The following SEPTIN9 variants were observed in gnomAD, a reference collection of about 807,000 sequenced individuals.
SEPTIN9 encodes the protein septin-9.
In SEPTIN9, 13 loss-of-function variants were observed where a neutral mutation model predicts 56.6. The observed-to-expected ratio is 0.23, with a 90% CI of 0.15 to 0.37. SEPTIN9 has a LOEUF of 0.37. Ranked by LOEUF, SEPTIN9 falls within the 10% of genes least tolerant of loss-of-function variation. The pLI is 1.00. For synonymous variants in SEPTIN9, 332 were observed against 334.1 expected (o/e 0.99, Z 0.07); for missense variants, 650 against 823.1 (o/e 0.79, Z 2.57).
intron 2 of SEPTIN9, chr17:77,374,584 A>C (rs1210090357): frequency 6.6e-6 from 1 of 152,242 alleles, no homozygotes; most frequent in East Asian, 1.9e-4. Context: ...GTGGGCCGGG[A>C]GGGGGAAAGG....
chr17:77,492,172 A>G lies in SEPTIN9; in HGVS notation c.1381-449A>G, dbSNP rs172680. On this transcript the variant is annotated intron_variant, in intron 8 of 11. Coordinates refer to ENST00000427177, the MANE Select transcript of SEPTIN9 (RefSeq NM_001113491.2). The surrounding 1 kb of genome is among the most constrained non-coding windows in gnomAD (Gnocchi z 5.4). ...GTGGTCTGTGCCTGGGCAGGCGAGC[A>G]GCCGCTCACTGGGATGTTTCTGTTG... is the stretch of plus-strand genomic sequence containing the variant. Among the ~76,000 whole-genome samples, 85,259 of 152,058 alleles carry G rather than the reference A, an allele frequency of 0.56. 25,918 individuals carry two copies. The highest frequency in any genetic ancestry group is 0.81 in the African/African-American group (33,541 of 41,482).
chr17:77,478,015 G>C (rs928239090), intron 3 of SEPTIN9, among the ~76,000 whole-genome samples: 27 of 152,026 alleles, frequency 1.8e-4, no homozygotes, highest in African/African-American at 4.1e-4. Context: ...CGGTCTTTGG[G>C]GGGGGTCACA....
At chr17:77,442,799 C>T (rs375499596) in intron 3 of SEPTIN9, among the ~76,000 whole-genome samples, 4 of 151,626 alleles carry the variant, frequency 2.6e-5, no homozygotes, top group Non-Finnish European at 1.5e-5. Flanking sequence ...CTTGAACCCA[C>T]GAGGCGGAGG....
intron 3 of SEPTIN9, among the ~76,000 whole-genome samples, chr17:77,477,828 C>A (rs936286964): frequency 6.6e-6 from 1 of 152,128 alleles, no homozygotes; most frequent in African/African-American, 2.4e-5. Flanking sequence ...CAGTTACTGT[C>A]CAAATCAGAA....
intron 2 of SEPTIN9, among the ~76,000 whole-genome samples, chr17:77,385,773 C>T (rs2035315431): frequency 6.6e-6 from 1 of 152,138 alleles, no homozygotes; most frequent in East Asian, 1.9e-4. Flanking sequence ...TCTGCCAGCA[C>T]TGCTTGCTTC....
At chr17:77,430,990 CAA>C (rs144630121) in intron 3 of SEPTIN9, among the ~76,000 whole-genome samples, 23 of 126,922 alleles carry the variant, frequency 1.8e-4, no homozygotes, top group Admixed American at 3.2e-4. Flanking sequence ...TACTCCGTAT[CAA>C]AAAAAAAAAA....
chr17:77,394,349 C>G (rs1214514181), intron 2 of SEPTIN9, among the ~76,000 whole-genome samples: 1 of 152,164 alleles, frequency 6.6e-6, no homozygotes, highest in Admixed American at 6.5e-5. Flanking sequence ...TGGCTTTTTC[C>G]TGCAGGCTCA....
intron 2 of SEPTIN9, among the ~76,000 whole-genome samples, chr17:77,307,632 T>A (rs1228175168): frequency 6.6e-6 from 1 of 152,068 alleles, no homozygotes; most frequent in African/African-American, 2.4e-5. Context: ...ATAGAGCAGA[T>A]ACGTCCGGTG....
intron 2 of SEPTIN9, among the ~76,000 whole-genome samples, chr17:77,356,416 G>T (rs951132883): frequency 9.2e-5 from 14 of 151,878 alleles, no homozygotes; most frequent in African/African-American, 3.4e-4. Flanking sequence ...GTAACTCCCA[G>T]TGGCTCCGTG....
At position 77,475,482 on chromosome 17, in the gene SEPTIN9, G is replaced by C; in HGVS notation, c.722-6662G>C. Reference sequence around the variant, plus strand: ...TAAGAAGCCCCTTTGTGGGGGACAGGGAGCATCTGTTAGTTTATAGGACCT... The same window carrying C: ...TAAGAAGCCCCTTTGTGGGGGACAGCGAGCATCTGTTAGTTTATAGGACCT... On this transcript the variant is annotated intron_variant, in intron 3 of 11. Transcript: ENST00000427177. This position sits in a 1 kb window ranked among gnomAD's most constrained non-coding sequence, Gnocchi z 4.6. 1.3e-6 allele frequency: 2 copies of C among 1,592,196 alleles called. No individual in the cohort carries two copies. Among genetic ancestry groups the C allele is most frequent in the Non-Finnish European group, 1.7e-6 (2 of 1,170,200 alleles).
rs140362504 is a variant in SEPTIN9, at chr17:77,289,873, G to A, written c.19+8319G>A. Among the ~76,000 whole-genome samples, 476 of 152,272 alleles carry A rather than the reference G, an allele frequency of 3.1e-3. 2 individuals carry two copies. Among genetic ancestry groups the A allele is most frequent in the Non-Finnish European group, 5.2e-3 (354 of 68,026 alleles). ...AAAACTTCAACAATCATTGGCTGTA[G>A]CATTTCTTCTGTGTTCCATTCAGTG... On this transcript the variant is annotated intron_variant, in intron 1 of 11. Coordinates refer to ENST00000427177, the MANE Select transcript of SEPTIN9 (RefSeq NM_001113491.2).
Position 77,498,918 on chromosome 17 carries a change from C to A in SEPTIN9, c.*260C>A. On this transcript the variant is annotated 3_prime_UTR_variant, in exon 12 of 12. Coordinates refer to ENST00000427177, the MANE Select transcript of SEPTIN9 (RefSeq NM_001113491.2). ...GAGCACCCACTGAATTGACATGACC[C>A]TCTGTCCCCAGGCCTGGCTCCCCGA... 1.7e-6 allele frequency: 1 copy of A among 575,874 alleles called. No homozygotes were observed. Among genetic ancestry groups the A allele is most frequent in the Non-Finnish European group, 3.3e-6 (1 of 303,260 alleles). The allele number at this position is 575,874 out of a possible 1,614,324, so 35.7% of individuals were successfully genotyped here. A position where few individuals can be genotyped will look rare whatever the true frequency, so the allele number is the denominator to read the frequency against.
chr17:77,313,576 C>A lies in SEPTIN9; in HGVS notation c.76+6379C>A, dbSNP rs943685906. On this transcript the variant is annotated intron_variant, in intron 2 of 11. Transcript: ENST00000427177. This position sits in a 1 kb window ranked among gnomAD's most constrained non-coding sequence, Gnocchi z 4.5. ...AGGCTGTAGGCGGGCCAGGCTGGGGCCAGCCTGGAGGGTCTTGGCTGGCTC... is the reference window on the plus strand; with the variant it reads ...AGGCTGTAGGCGGGCCAGGCTGGGGACAGCCTGGAGGGTCTTGGCTGGCTC... Among the ~76,000 whole-genome samples, 1 of 151,880 alleles carries A rather than the reference C, an allele frequency of 6.6e-6. No individual in the cohort carries two copies. Among genetic ancestry groups the A allele is most frequent in the African/African-American group, 2.4e-5 (1 of 41,342 alleles).
chr17:77,366,140 G>C (rs959201356), intron 2 of SEPTIN9, among the ~76,000 whole-genome samples: 3 of 152,288 alleles, frequency 2.0e-5, no homozygotes, highest in African/African-American at 7.2e-5. Flanking sequence ...CTTTGAGGCT[G>C]GGTCGGTGCC....
intron 4 of SEPTIN9, among the ~76,000 whole-genome samples, chr17:77,486,433 G>A (rs1568114119): frequency 1.3e-5 from 2 of 151,932 alleles, no homozygotes; most frequent in African/African-American, 2.4e-5. Context: ...TGTTGCTAGC[G>A]TAGCCCAAGG....
rs923352311 is a variant in SEPTIN9 at position 77,433,040 on chromosome 17, C to T, written c.721+30337C>T. Among the ~76,000 whole-genome samples, 2 of 152,168 alleles carry T rather than the reference C, an allele frequency of 1.3e-5. No homozygotes were observed. The highest frequency in any genetic ancestry group is 2.9e-5 in the Non-Finnish European group (2 of 68,018). ...CTGTTCCCTCCTGCCCCTCCCCTCCCGCTGTGCTCTCAGCTGCTCCGACAG... is the reference window on the plus strand; with the variant it reads ...CTGTTCCCTCCTGCCCCTCCCCTCCTGCTGTGCTCTCAGCTGCTCCGACAG... On this transcript the variant is annotated intron_variant, in intron 3 of 11. Coordinates refer to ENST00000427177, the MANE Select transcript of SEPTIN9 (RefSeq NM_001113491.2). The surrounding 1 kb of genome is among the most constrained non-coding windows in gnomAD (Gnocchi z 6.4).
chr17:77,471,582 C>T (rs1305039444), intron 3 of SEPTIN9, among the ~76,000 whole-genome samples: 1 of 152,262 alleles, frequency 6.6e-6, no homozygotes, highest in Non-Finnish European at 1.5e-5. Context: ...CTGCTGATAG[C>T]AGAAGGGGCT....
intron 3 of SEPTIN9, among the ~76,000 whole-genome samples, chr17:77,460,945 T>G (rs1052646058): frequency 1.3e-5 from 2 of 152,224 alleles, no homozygotes; most frequent in Non-Finnish European, 2.9e-5. Flanking sequence ...GACTTCCTTC[T>G]TTATTTAAAA....
intron 2 of SEPTIN9, among the ~76,000 whole-genome samples, chr17:77,359,759 G>A (rs1034919512): frequency 1.3e-5 from 2 of 152,088 alleles, no homozygotes; most frequent in Non-Finnish European, 2.9e-5. Context: ...TTGCACCACT[G>A]CACTCCAGCC....
Sources: gnomAD v4.1 joint callset for allele counts (sites outside exome capture counted in the v4.1 genomes callset) on GRCh38, gnomAD v4.1.1 for gene constraint, Gnocchi (gnomAD v3.1) non-coding constraint, MANE v1.5 for transcripts, NCBI Gene and HGNC (gene_info 2026-07-23, HGNC 2026-07-21) for gene names.